KSR2: variants seen among roughly 807,000 people sequenced by gnomAD.
KSR2 encodes the protein kinase suppressor of ras 2.
In KSR2, 25 loss-of-function variants were observed where a neutral mutation model predicts 107.8. That is an observed-to-expected ratio of 0.23 (90% CI 0.17 to 0.32). The LOEUF (loss-of-function observed/expected upper bound fraction) is 0.32, where lower values mean the gene tolerates loss of function less well. Among genes scored for constraint, KSR2 ranks in the 10% least tolerant of loss-of-function variants. The pLI is 1.00. For synonymous variants in KSR2, 480 were observed against 507.0 expected (o/e 0.95, Z 0.71); for missense variants, 887 against 1,268.9 (o/e 0.70, Z 4.57).
intron 1 of KSR2, among the ~76,000 whole-genome samples, chr12:117,864,476 C>T (rs1893409981): frequency 6.6e-6 from 1 of 152,144 alleles, no homozygotes; most frequent in South Asian, 2.1e-4. Flanking sequence ...CTAGATTATC[C>T]ACTGAAGGGA....
In KSR2 at chr12:117,806,144, T is replaced by G. The variant is rs571325022; in HGVS notation, c.473-44620A>C. Among the ~76,000 whole-genome samples, 8 of 152,224 alleles carry G rather than the reference T, an allele frequency of 5.3e-5. No homozygotes were observed. The South Asian group carries it at 1.7e-3, about 32-fold the overall frequency. On this transcript the variant is annotated intron_variant, in intron 3 of 19. Transcript: ENST00000339824. ...ACAACGTCCGGCATTTCCTAAAAGT[T>G]AAGGCTCAGGAGGGAGATGAGTATA...
chr12:117,821,829 T>C (rs1246121557), intron 3 of KSR2, among the ~76,000 whole-genome samples: 2 of 152,148 alleles, frequency 1.3e-5, no homozygotes, highest in African/African-American at 2.4e-5. Context: ...GTCTGAAGTA[T>C]TATTGTCAGA....
chr12:117,459,489 G>A lies in KSR2; in HGVS notation c.*7710C>T, dbSNP rs560312836. The A allele has an allele frequency of 1.3e-5, 2 of 152,230 alleles. No homozygotes were observed. Among genetic ancestry groups the A allele is most frequent in the Non-Finnish European group, 2.9e-5 (2 of 68,062 alleles). The allele number at this position is 152,230 out of a possible 1,614,324, so 9.4% of individuals were successfully genotyped here. A position where few individuals can be genotyped will look rare whatever the true frequency, so the allele number is the denominator to read the frequency against. On this transcript the variant is annotated 3_prime_UTR_variant, in exon 20 of 20. Coordinates refer to ENST00000339824, the MANE Select transcript of KSR2 (RefSeq NM_173598.6). Reference sequence around the variant, plus strand: ...ATTAGTGATGTCTGCCAAGAGTACAGCAGGGGACACTGGTGGTAGATCCAT... The same window carrying A: ...ATTAGTGATGTCTGCCAAGAGTACAACAGGGGACACTGGTGGTAGATCCAT...
Position 117,909,307 on chromosome 12 carries a change from A to G in KSR2, c.181-48876T>C, listed in dbSNP as rs150193825. 2.4e-3 allele frequency among the ~76,000 whole-genome samples: 373 copies of G among 152,300 alleles called. 4 individuals are homozygous for G. Among genetic ancestry groups the G allele is most frequent in the African/African-American group, 8.7e-3 (360 of 41,560 alleles). On this transcript the variant is annotated intron_variant, in intron 1 of 19. Coordinates refer to ENST00000339824, the MANE Select transcript of KSR2 (RefSeq NM_173598.6). Reference sequence around the variant, plus strand: ...ATCCTTTAAAACAAATTCACTCTGAAGCTAGCTTCCCCCTACCAGGTTTAA... The same window carrying G: ...ATCCTTTAAAACAAATTCACTCTGAGGCTAGCTTCCCCCTACCAGGTTTAA...
chr12:117,942,505 T>C (rs140330445), intron 1 of KSR2, among the ~76,000 whole-genome samples: 7,663 of 150,820 alleles, frequency 0.051, 468 homozygotes, highest in East Asian at 0.34. Flanking sequence ...TTTTTTTTTT[T>C]TGAGACAGGG....
intron 1 of KSR2, among the ~76,000 whole-genome samples, chr12:117,963,142 A>T (rs1896704591): frequency 6.6e-6 from 1 of 151,892 alleles, no homozygotes; most frequent in Admixed American, 6.6e-5. Flanking sequence ...ATGAGCCGAG[A>T]TCACGCCACT....
chr12:117,614,438 T>A (rs1435106406), intron 5 of KSR2, among the ~76,000 whole-genome samples: 1 of 152,168 alleles, frequency 6.6e-6, no homozygotes, highest in Admixed American at 6.6e-5. Context: ...TAATTAAGAA[T>A]TGATTGGATT....
At chr12:117,802,508 GACT>G (rs1321656775) in intron 3 of KSR2, among the ~76,000 whole-genome samples, 3 of 152,126 alleles carry the variant, frequency 2.0e-5, no homozygotes, top group Non-Finnish European at 4.4e-5. Flanking sequence ...TCATTATTCT[GACT>G]ACTACAGCAA....
At chr12:117,836,536 C>A (rs1194743070) in intron 3 of KSR2, among the ~76,000 whole-genome samples, 1 of 152,138 alleles carries the variant, frequency 6.6e-6, no homozygotes, top group African/African-American at 2.4e-5. Flanking sequence ...CTAAAAGACT[C>A]GCTATCATGA....
chr12:117,586,961 C>A (rs1277763912), intron 5 of KSR2, among the ~76,000 whole-genome samples: 1 of 152,164 alleles, frequency 6.6e-6, no homozygotes, highest in Non-Finnish European at 1.5e-5. Context: ...AAGCAATATG[C>A]AATTGTCTAG....
Position 117,968,535 on chromosome 12 carries a change from T to C in KSR2, c.-280A>G. On this transcript the variant is annotated 5_prime_UTR_variant, in exon 1 of 20. Transcript: ENST00000339824. The stretch of plus-strand genomic sequence containing the variant: ...GGTCCCTGAAAAGGAGAGATGCTGT[T>C]TCTCAGAAGCAAACCAGGTGATGTG... The C allele has an allele frequency of 8.3e-7, 1 of 1,202,212 alleles. No individual in the cohort carries two copies. The highest frequency in any genetic ancestry group is 1.0e-6 in the Non-Finnish European group (1 of 968,634). 74.5% of individuals were successfully genotyped at this position (1,202,212 alleles called of 1,614,324 possible). A position where few individuals can be genotyped will look rare whatever the true frequency, so the allele number is the denominator to read the frequency against.
intron 3 of KSR2, among the ~76,000 whole-genome samples, chr12:117,798,274 G>A (rs10850901): frequency 0.51 from 78,198 of 151,976 alleles, 20,534 homozygotes; most frequent in East Asian, 0.7. Context: ...GCTTCTGCCT[G>A]GACTGGTTCC....
intron 14 of KSR2, among the ~76,000 whole-genome samples, chr12:117,511,418 T>A (rs1261334513): frequency 6.6e-6 from 1 of 150,418 alleles, no homozygotes; most frequent in African/African-American, 2.4e-5. Flanking sequence ...CCAAAAAGAA[T>A]AACCAAACAA....
chr12:117,581,776 C>T (rs11612054), intron 6 of KSR2, among the ~76,000 whole-genome samples: 60,071 of 152,072 alleles, frequency 0.4, 13,584 homozygotes, highest in East Asian at 0.56. Flanking sequence ...GACTGAACGC[C>T]GCACCAGAGA....
At chr12:117,738,512 A>T (rs1888032873) in intron 4 of KSR2, among the ~76,000 whole-genome samples, 1 of 152,184 alleles carries the variant, frequency 6.6e-6, no homozygotes, top group African/African-American at 2.4e-5. Flanking sequence ...ATTATAACAC[A>T]ATGGGAAGTA....
intron 4 of KSR2, among the ~76,000 whole-genome samples, chr12:117,733,948 C>T (rs992831232): frequency 1.3e-5 from 2 of 152,114 alleles, no homozygotes; most frequent in Non-Finnish European, 2.9e-5. Context: ...AATGATGTCA[C>T]TAAATAGAGT....
At chr12:117,712,474 C>A (rs1178603508) in intron 4 of KSR2, among the ~76,000 whole-genome samples, 1 of 152,202 alleles carries the variant, frequency 6.6e-6, no homozygotes, top group Non-Finnish European at 1.5e-5. Flanking sequence ...GGCAGCTCTT[C>A]CCTGCCCAGA....
At chr12:117,784,392 A>T (rs1889990237) in intron 3 of KSR2, among the ~76,000 whole-genome samples, 1 of 152,194 alleles carries the variant, frequency 6.6e-6, no homozygotes, top group Admixed American at 6.5e-5. Context: ...CTCTTCTGCC[A>T]TGATTGTGAG....
chr12:117,564,092 T>C (rs566082788), intron 7 of KSR2, among the ~76,000 whole-genome samples: 1 of 152,264 alleles, frequency 6.6e-6, no homozygotes, highest in Non-Finnish European at 1.5e-5. Context: ...TGTCAGTCCC[T>C]AATGAATTTG....
Sources: allele counts gnomAD v4.1 joint callset (sites outside exome capture counted in the v4.1 genomes callset), GRCh38; gene constraint gnomAD v4.1.1; transcripts MANE v1.5; gene names NCBI Gene and HGNC (gene_info 2026-07-23, HGNC 2026-07-21).